The following XYLT1 variants were observed in gnomAD, a reference collection of about 807,000 sequenced individuals.
XYLT1 encodes the protein xylosyltransferase 1.
A neutral mutation model predicts 91.3 loss-of-function variants in XYLT1; 36 were observed. That is an observed-to-expected ratio of 0.39 (90% CI 0.30 to 0.52). The LOEUF (loss-of-function observed/expected upper bound fraction) is 0.52. Among genes scored for constraint, XYLT1 ranks in the 20% least tolerant of loss-of-function variants. XYLT1 has a pLI of 0.68. For missense variants in XYLT1, 1,242 were observed against 1,284.5 expected (o/e 0.97, Z 0.51); for synonymous variants, 588 against 532.0 (o/e 1.11, Z -1.45).
At chr16:17,215,374 C>T (rs1234939348) in intron 3 of XYLT1, among the ~76,000 whole-genome samples, 1 of 152,076 alleles carries the variant, frequency 6.6e-6, no homozygotes, top group East Asian at 1.9e-4. Context: ...TAAATGAAGT[C>T]CTAAGGGTGG....
At chr16:17,333,888 C>T (rs946151996) in intron 2 of XYLT1, among the ~76,000 whole-genome samples, 3 of 152,104 alleles carry the variant, frequency 2.0e-5, no homozygotes, top group Non-Finnish European at 2.9e-5. Context: ...CGCCCGGCCT[C>T]ATGTTGAAAT....
intron 1 of XYLT1, among the ~76,000 whole-genome samples, chr16:17,462,666 G>C (rs550711676): frequency 6.6e-6 from 1 of 152,296 alleles, no homozygotes; most frequent in South Asian, 2.1e-4. Context: ...TGAAGGAATG[G>C]AGCAGCAGGA....
chr16:17,382,223 G>A (rs2035691467), intron 1 of XYLT1, among the ~76,000 whole-genome samples: 1 of 152,006 alleles, frequency 6.6e-6, no homozygotes, highest in African/African-American at 2.4e-5. Flanking sequence ...TCTTTCTGGG[G>A]TGGAAAGTAT....
chr16:17,252,083 A>G (rs1235840636), intron 3 of XYLT1, among the ~76,000 whole-genome samples: 5 of 151,592 alleles, frequency 3.3e-5, no homozygotes, highest in Admixed American at 6.6e-5. Flanking sequence ...CATTTAGACA[A>G]CTCCTCCATT....
chr16:17,361,533 C>A (rs954968079), intron 1 of XYLT1, among the ~76,000 whole-genome samples: 8 of 152,168 alleles, frequency 5.3e-5, no homozygotes, highest in African/African-American at 1.9e-4. Flanking sequence ...GCAAATGCAT[C>A]CCAGGAACCT....
chr16:17,390,584 C>A (rs1181856612), intron 1 of XYLT1, among the ~76,000 whole-genome samples: 1 of 152,212 alleles, frequency 6.6e-6, no homozygotes, highest in Non-Finnish European at 1.5e-5. Flanking sequence ...AACCAACCCC[C>A]ATCTTGCCTT....
chr16:17,245,647 T>C (rs745403606), intron 3 of XYLT1, among the ~76,000 whole-genome samples: 54 of 152,214 alleles, frequency 3.5e-4, no homozygotes, highest in Non-Finnish European at 6.8e-4. Flanking sequence ...TTTATCATTG[T>C]ATAAATTTCA....
intron 1 of XYLT1, among the ~76,000 whole-genome samples, chr16:17,368,793 AGGCTGGTCTTGAACTCCTG>A (rs2035488409): frequency 1.3e-5 from 2 of 152,074 alleles, no homozygotes; most frequent in Admixed American, 1.3e-4. Flanking sequence ...TATGTTGCCC[AGGCTGGTCTTGAACTCCTG>A]GTCTCAAGTG....
At chr16:17,271,483 C>T (rs983511776) in intron 2 of XYLT1, among the ~76,000 whole-genome samples, 2 of 152,144 alleles carry the variant, frequency 1.3e-5, no homozygotes, top group Non-Finnish European at 2.9e-5. Flanking sequence ...CACAGATAGG[C>T]ACAGAGAGAA....
chr16:17,277,699 C>T (rs1237658533), intron 2 of XYLT1, among the ~76,000 whole-genome samples: 1 of 152,140 alleles, frequency 6.6e-6, no homozygotes, highest in Non-Finnish European at 1.5e-5. Flanking sequence ...CTACTGTTTT[C>T]ATCTTTATGT....
At chr16:17,335,429 G>A (rs555918810) in intron 2 of XYLT1, among the ~76,000 whole-genome samples, 1 of 152,078 alleles carries the variant, frequency 6.6e-6, no homozygotes, top group African/African-American at 2.4e-5. Context: ...ATCATTCATC[G>A]AGTGTAATCC....
At chr16:17,299,926 G>A (rs1215703550) in intron 2 of XYLT1, among the ~76,000 whole-genome samples, 1 of 152,162 alleles carries the variant, frequency 6.6e-6, no homozygotes. Flanking sequence ...ACTGACCCCG[G>A]CAGCAGGAAT....
chr16:17,138,066 GT>G (rs377333925), intron 8 of XYLT1, among the ~76,000 whole-genome samples: 1,627 of 152,040 alleles, frequency 0.011, 35 homozygotes, highest in African/African-American at 0.037. Context: ...CCTTTGGAAA[GT>G]TTTTTTTAAC....
At chr16:17,192,092 CTTTTTTTTT>C (rs550488299) in intron 5 of XYLT1, among the ~76,000 whole-genome samples, 12,371 of 126,662 alleles carry the variant, frequency 0.098, 681 homozygotes, top group Middle Eastern at 0.14. Flanking sequence ...CTCTCTCTCT[CTTTTTTTTT>C]TTTTTTTTTT....
chr16:17,225,152 TAC>T (rs751269290), intron 3 of XYLT1, among the ~76,000 whole-genome samples: 103 of 147,452 alleles, frequency 7.0e-4, no homozygotes, highest in Admixed American at 2.5e-3. Flanking sequence ...ATTCTTATTT[TAC>T]ACACACACAC....
intron 2 of XYLT1, among the ~76,000 whole-genome samples, chr16:17,273,165 T>C (rs1266174008): frequency 1.3e-5 from 2 of 152,218 alleles, no homozygotes; most frequent in Non-Finnish European, 2.9e-5. Flanking sequence ...TACAACATTA[T>C]TATGAATGGT....
At chr16:17,200,207 G>A (rs2032511678) in intron 4 of XYLT1, among the ~76,000 whole-genome samples, 1 of 139,204 alleles carries the variant, frequency 7.2e-6, no homozygotes, top group African/African-American at 2.9e-5. Flanking sequence ...GTGACTGAGC[G>A]ACATTCCATC....
At chr16:17,233,828 TG>T (rs1203912763) in intron 3 of XYLT1, among the ~76,000 whole-genome samples, 3 of 152,130 alleles carry the variant, frequency 2.0e-5, no homozygotes, top group Non-Finnish European at 4.4e-5. Flanking sequence ...CCTGGCCCCT[TG>T]GGGTATTTTG....
chr16:17,201,452 A>T (rs2032539337), intron 3 of XYLT1, among the ~76,000 whole-genome samples: 2 of 152,104 alleles, frequency 1.3e-5, no homozygotes, highest in African/African-American at 4.8e-5. Flanking sequence ...CTTTTGTTAG[A>T]ACTACTACAT....
Sources: allele counts gnomAD v4.1 joint callset (sites outside exome capture counted in the v4.1 genomes callset), GRCh38; gene constraint gnomAD v4.1.1; transcripts MANE v1.5; gene names NCBI Gene and HGNC (gene_info 2026-07-23, HGNC 2026-07-21).